PDE4D: variants seen among roughly 807,000 people sequenced by gnomAD.
PDE4D encodes the protein 3',5'-cyclic-AMP phosphodiesterase 4D.
PDE4D carries 24 observed loss-of-function variants against 87.4 expected under a neutral mutation model. That is an observed-to-expected ratio of 0.27 (90% CI 0.20 to 0.39). PDE4D has a LOEUF of 0.39. PDE4D is among the 10% of genes least tolerant of loss of function. PDE4D has a pLI of 1.00. For missense variants in PDE4D, 714 were observed against 1,041.0 expected, an observed-to-expected ratio of 0.69 and a Z score of 4.32; for synonymous variants, 384 against 383.2, an observed-to-expected ratio of 1.00 and a Z score of -0.02.
chr5:59,889,246 A>G (rs1750605562), intron 1 of PDE4D, among the ~76,000 whole-genome samples: 1 of 151,736 alleles, frequency 6.6e-6, no homozygotes. Context: ...AAAAAAAAAA[A>G]AAAGCTAATG....
At chr5:59,237,939 T>C (rs1048699186) in intron 1 of PDE4D, among the ~76,000 whole-genome samples, 4 of 152,150 alleles carry the variant, frequency 2.6e-5, no homozygotes, top group Admixed American at 2.6e-4. Context: ...TCATTGCATC[T>C]GAATTTTATG....
chr5:59,428,571 T>G (rs1323565259), intron 1 of PDE4D, among the ~76,000 whole-genome samples: 3 of 152,126 alleles, frequency 2.0e-5, no homozygotes, highest in Admixed American at 2.0e-4. Context: ...CATTCAAAAC[T>G]TAGGTAGATT....
intron 1 of PDE4D, among the ~76,000 whole-genome samples, chr5:60,376,698 T>C (rs965817398): frequency 6.6e-6 from 1 of 152,238 alleles, no homozygotes; most frequent in Admixed American, 6.5e-5. Flanking sequence ...CCTCTGCCTC[T>C]ACCCCTCACT....
intron 2 of PDE4D, among the ~76,000 whole-genome samples, chr5:60,098,486 T>C (rs1562090152): frequency 6.6e-6 from 1 of 151,980 alleles, no homozygotes; most frequent in Admixed American, 6.6e-5. Flanking sequence ...AGTGTACAGA[T>C]CTTTCACATC....
At chr5:59,853,544 A>G (rs986129329) in intron 1 of PDE4D, among the ~76,000 whole-genome samples, 3 of 152,080 alleles carry the variant, frequency 2.0e-5, no homozygotes, top group Non-Finnish European at 2.9e-5. Flanking sequence ...TTAAAATTTT[A>G]TATTTTCGTC....
intron 1 of PDE4D, among the ~76,000 whole-genome samples, chr5:59,316,352 G>A (rs1184769421): frequency 6.6e-6 from 1 of 152,052 alleles, no homozygotes; most frequent in Non-Finnish European, 1.5e-5. Context: ...GGTTCCTTTA[G>A]TCTTTGAACA....
chr5:59,765,498 T>A (rs1762676295), intron 1 of PDE4D, among the ~76,000 whole-genome samples: 1 of 152,200 alleles, frequency 6.6e-6, no homozygotes. Context: ...AACAGAGCTA[T>A]GTTTCCCAGC....
At chr5:59,556,100 A>C (rs1333383060) in intron 1 of PDE4D, among the ~76,000 whole-genome samples, 4 of 152,160 alleles carry the variant, frequency 2.6e-5, no homozygotes, top group African/African-American at 7.2e-5. Flanking sequence ...ACATTAAAAA[A>C]TAAGCTTTCT....
At chr5:59,306,515 G>A (rs1040659299) in intron 1 of PDE4D, among the ~76,000 whole-genome samples, 3 of 151,784 alleles carry the variant, frequency 2.0e-5, no homozygotes, top group East Asian at 1.9e-4. Context: ...TGTGATTTAC[G>A]CTTTAAAGAG....
intron 3 of PDE4D, among the ~76,000 whole-genome samples, chr5:59,924,890 C>G: frequency 6.6e-6 from 1 of 151,936 alleles, no homozygotes; most frequent in Non-Finnish European, 1.5e-5. Flanking sequence ...AAAATAATAA[C>G]TACAGCCAGG....
chr5:60,439,524 T>G lies in PDE4D; in HGVS notation c.-90+48418A>C, dbSNP rs567998395. Among the ~76,000 whole-genome samples, 8 of 152,272 alleles carry G rather than the reference T, an allele frequency of 5.3e-5. No individual in the cohort carries two copies. In the South Asian group the frequency reaches 1.7e-3, roughly 32 times the overall value. Reference sequence around the variant, plus strand: ...TTGTATTGTCAGGTAAATTGATGCCTAAGAATTGTTGGAAATTATCTGCTA... The same window carrying G: ...TTGTATTGTCAGGTAAATTGATGCCGAAGAATTGTTGGAAATTATCTGCTA... On this transcript the variant is annotated intron_variant, in intron 1 of 16. Transcript: ENST00000502484.
chr5:60,289,820 A>G (rs931568922), intron 1 of PDE4D, among the ~76,000 whole-genome samples: 4 of 152,204 alleles, frequency 2.6e-5, no homozygotes, highest in Non-Finnish European at 5.9e-5. Context: ...AGGAAACCCC[A>G]ACTAAAATAG....
chr5:60,171,148 C>T (rs1783391117), intron 2 of PDE4D, among the ~76,000 whole-genome samples: 1 of 151,964 alleles, frequency 6.6e-6, no homozygotes, highest in Non-Finnish European at 1.5e-5. Context: ...TGCACATCAG[C>T]CAGATAGCTA....
chr5:59,377,253 T>C (rs1446219331), intron 1 of PDE4D, among the ~76,000 whole-genome samples: 1 of 151,646 alleles, frequency 6.6e-6, no homozygotes, highest in Non-Finnish European at 1.5e-5. Context: ...CTGTCTCTAC[T>C]AAAAATACAA....
chr5:60,148,988 C>T (rs1781261457), intron 2 of PDE4D, among the ~76,000 whole-genome samples: 1 of 152,044 alleles, frequency 6.6e-6, no homozygotes, highest in Admixed American at 6.6e-5. Flanking sequence ...ATGGAGAACT[C>T]CTATGAACAA....
At chr5:60,391,593 T>C (rs1372710404) in intron 1 of PDE4D, among the ~76,000 whole-genome samples, 1 of 152,216 alleles carries the variant, frequency 6.6e-6, no homozygotes. Context: ...TCCCTCTGAC[T>C]ACTGCCCCTT....
chr5:60,400,457 G>T (rs1740962809), intron 1 of PDE4D, among the ~76,000 whole-genome samples: 1 of 138,500 alleles, frequency 7.2e-6, no homozygotes. Context: ...GGAAGGCAGA[G>T]CTTGCAGTGA....
intron 1 of PDE4D, among the ~76,000 whole-genome samples, chr5:59,589,986 T>G (rs1436873696): frequency 6.6e-6 from 1 of 152,078 alleles, no homozygotes; most frequent in East Asian, 1.9e-4. Flanking sequence ...AATTTCTGCT[T>G]GAAAGATAGC....
At chr5:59,522,075 C>T (rs189420346) in intron 1 of PDE4D, among the ~76,000 whole-genome samples, 12 of 152,118 alleles carry the variant, frequency 7.9e-5, no homozygotes, top group Admixed American at 7.9e-4. Context: ...CCCATGTTCA[C>T]AAATTTAAAA....
Sources: gnomAD v4.1 joint callset for allele counts (sites outside exome capture counted in the v4.1 genomes callset) on GRCh38, gnomAD v4.1.1 for gene constraint, MANE v1.5 for transcripts, NCBI Gene and HGNC (gene_info 2026-07-23, HGNC 2026-07-21) for gene names.